MSRA: variants seen among roughly 807,000 people sequenced by gnomAD.
MSRA encodes the protein methionine sulfoxide reductase A.
In MSRA, 54 loss-of-function variants were observed where a neutral mutation model predicts 31.3. The ratio of observed to expected loss-of-function variants is 1.73; its 90% CI spans 1.39 to 2.17. MSRA has a LOEUF of 2.17. Among genes scored for constraint, MSRA ranks in the 30% most tolerant of loss-of-function variants. The pLI is 0.00. For missense variants in MSRA, 507 were observed against 300.9 expected, an observed-to-expected ratio of 1.69 and a Z score of -5.07; for synonymous variants, 169 against 116.5, an observed-to-expected ratio of 1.45 and a Z score of -2.90.
intron 5 of MSRA, among the ~76,000 whole-genome samples, chr8:10,357,050 T>A (rs556355100): frequency 6.6e-6 from 1 of 152,300 alleles, no homozygotes; most frequent in East Asian, 1.9e-4. Flanking sequence ...TCCTGAACAT[T>A]GGCAGCTGCA....
At chr8:10,347,119 G>A (rs921499555) in intron 5 of MSRA, among the ~76,000 whole-genome samples, 1 of 152,082 alleles carries the variant, frequency 6.6e-6, no homozygotes, top group Admixed American at 6.5e-5. Flanking sequence ...GTCATTACTG[G>A]TTCGTTTTCC....
intron 1 of MSRA, among the ~76,000 whole-genome samples, chr8:10,179,180 C>T (rs1458041469): frequency 1.3e-5 from 2 of 152,210 alleles, no homozygotes; most frequent in South Asian, 4.1e-4. Flanking sequence ...ATTATTTTTG[C>T]CTCTATAGTA....
rs7012830 is a variant in MSRA, at chr8:10,415,259, T to G, written c.544-12889T>G. ...TAGAGAAGGAAGGACCCATTCCCCT[T>G]GCATCTAGGAAGTTATGCTTGGAAT... On this transcript the variant is annotated intron_variant, in intron 5 of 5. Transcript: ENST00000317173. Among the ~76,000 whole-genome samples the G allele has an allele frequency of 4.7e-3, 712 of 152,290 alleles. 5 individuals are homozygous for G. The highest frequency in any genetic ancestry group is 0.016 in the African/African-American group (648 of 41,558).
chr8:10,111,724 G>A (rs1800299974), intron 1 of MSRA, among the ~76,000 whole-genome samples: 1 of 152,216 alleles, frequency 6.6e-6, no homozygotes, highest in African/African-American at 2.4e-5. Flanking sequence ...AAGCCTAAAG[G>A]AAATATTAGC....
intron 3 of MSRA, among the ~76,000 whole-genome samples, chr8:10,283,830 T>TACACACACACACACACACACAC (rs1170038638): frequency 1.5e-5 from 1 of 65,322 alleles, no homozygotes; most frequent in Non-Finnish European, 3.0e-5. Flanking sequence ...TATATATATA[T>TACACACACACACACACACACAC]ATATATACAC....
intron 5 of MSRA, chr8:10,353,723 C>T (rs927334097): frequency 1.8e-5 from 8 of 451,144 alleles, no homozygotes; most frequent in Admixed American, 7.2e-5. Context: ...CCCACTGCCA[C>T]CTGTCTACGT....
At chr8:10,109,669 T>G (rs2129012701) in intron 1 of MSRA, among the ~76,000 whole-genome samples, 1 of 152,308 alleles carries the variant, frequency 6.6e-6, no homozygotes, top group African/African-American at 2.4e-5. Context: ...TTTTTAGCAT[T>G]GGAATTTAAG....
chr8:10,221,272 T>A (rs928594629), intron 2 of MSRA, among the ~76,000 whole-genome samples: 6 of 152,150 alleles, frequency 3.9e-5, no homozygotes, highest in African/African-American at 1.4e-4. Context: ...GCTGTGAAGG[T>A]TTTGGTAACT....
In MSRA at chr8:10,156,478, T is replaced by C. The variant is rs565746858; in HGVS notation, c.143-51355T>C. ...GAGAGAGAGGGGATTTGAGAAGATATTAATTCTTGGTGAATGTAGGTGGAG... is the reference window on the plus strand; with the variant it reads ...GAGAGAGAGGGGATTTGAGAAGATACTAATTCTTGGTGAATGTAGGTGGAG... On this transcript the variant is annotated intron_variant, in intron 1 of 5. Transcript: ENST00000317173. Among the ~76,000 whole-genome samples the C allele has an allele frequency of 3.3e-5, 5 of 152,298 alleles. No homozygotes were observed. In the East Asian group the frequency reaches 5.8e-4, roughly 18 times the overall value.
intron 5 of MSRA, among the ~76,000 whole-genome samples, chr8:10,419,204 T>C (rs1808664631): frequency 6.6e-6 from 1 of 152,140 alleles, no homozygotes; most frequent in Non-Finnish European, 1.5e-5. Flanking sequence ...CCCTTGCACC[T>C]CTCACGTGTC....
At chr8:10,225,937 G>A (rs1448467532) in intron 2 of MSRA, among the ~76,000 whole-genome samples, 1 of 152,242 alleles carries the variant, frequency 6.6e-6, no homozygotes, top group Non-Finnish European at 1.5e-5. Flanking sequence ...AAAGACGTAA[G>A]GTGTAAATGA....
chr8:10,343,497 C>G (rs1803572808), intron 5 of MSRA, among the ~76,000 whole-genome samples: 1 of 152,116 alleles, frequency 6.6e-6, no homozygotes, highest in African/African-American at 2.4e-5. Context: ...CTTGTTTTTC[C>G]CCCAAAGTGG....
intron 3 of MSRA, among the ~76,000 whole-genome samples, chr8:10,247,262 C>T (rs1193225169): frequency 2.0e-5 from 3 of 152,074 alleles, no homozygotes; most frequent in Non-Finnish European, 2.9e-5. Flanking sequence ...TGTAGAGGCT[C>T]AGAGAGGATA....
At chr8:10,161,843 T>C (rs1160916944) in intron 1 of MSRA, among the ~76,000 whole-genome samples, 4 of 151,934 alleles carry the variant, frequency 2.6e-5, no homozygotes, top group African/African-American at 4.8e-5. Flanking sequence ...CTGATAACCA[T>C]GGGCCCTGGG....
intron 5 of MSRA, among the ~76,000 whole-genome samples, chr8:10,336,129 C>T (rs954239119): frequency 1.3e-5 from 2 of 152,140 alleles, no homozygotes; most frequent in Admixed American, 1.3e-4. Context: ...AAGAATATGT[C>T]ACTAGTGTTT....
chr8:10,319,825 T>G, intron 4 of MSRA, 58 bp from the exon 5 acceptor site: 38 of 1,051,796 alleles, frequency 3.6e-5, no homozygotes, highest in Non-Finnish European at 4.6e-5. Context: ...GTGCCCAGTT[T>G]GAGACTGGCA....
intron 2 of MSRA, among the ~76,000 whole-genome samples, chr8:10,236,432 A>G (rs1336476751): frequency 2.6e-5 from 4 of 152,232 alleles, no homozygotes; most frequent in Non-Finnish European, 5.9e-5. Flanking sequence ...TACTAAAATC[A>G]GGGTGTTTTT....
Position 10,321,192 on chromosome 8 carries a change from G to A in MSRA, c.543+1203G>A, listed in dbSNP as rs1205715799. ...ACAAGTTGACTTGCTTTAGTTTTTAGAACTTTGTGATAGTACTTGTATTTT... is the reference window on the plus strand; with the variant it reads ...ACAAGTTGACTTGCTTTAGTTTTTAAAACTTTGTGATAGTACTTGTATTTT... On this transcript the variant is annotated intron_variant, in intron 5 of 5. Coordinates refer to ENST00000317173, the MANE Select transcript of MSRA (RefSeq NM_012331.5). 3.9e-5 allele frequency among the ~76,000 whole-genome samples: 6 copies of A among 152,046 alleles called. No homozygotes were observed. In the East Asian group the frequency reaches 9.6e-4, roughly 24 times the overall value.
intron 2 of MSRA, among the ~76,000 whole-genome samples, chr8:10,237,709 T>A (rs906294175): frequency 6.6e-6 from 1 of 152,230 alleles, no homozygotes; most frequent in Non-Finnish European, 1.5e-5. Flanking sequence ...CTTAAGCCAG[T>A]AATCTTCGAG....
Sources: gnomAD v4.1 joint callset for allele counts (sites outside exome capture counted in the v4.1 genomes callset) on GRCh38, gnomAD v4.1.1 for gene constraint, MANE v1.5 for transcripts, NCBI Gene and HGNC (gene_info 2026-07-23, HGNC 2026-07-21) for gene names.